KCNH8: variants seen among roughly 807,000 people sequenced by gnomAD.
KCNH8 encodes voltage-gated delayed rectifier potassium channel KCNH8.
A neutral mutation model predicts 103.6 loss-of-function variants in KCNH8; 70 were observed. That is an observed-to-expected ratio of 0.68 (90% CI 0.56 to 0.82). KCNH8 has a LOEUF of 0.82. Among genes scored for constraint, KCNH8 ranks in the 40% least tolerant of loss-of-function variants. The probability of loss-of-function intolerance (pLI) is 0.00; values close to 1 mark genes in which losing one functional copy is unlikely to be tolerated. For synonymous variants in KCNH8, 498 were observed against 489.4 expected (o/e 1.02, Z -0.23); for missense variants, 1,217 against 1,329.9 (o/e 0.92, Z 1.32).
intron 5 of KCNH8, among the ~76,000 whole-genome samples, chr3:19,354,316 T>A (rs1293101253): frequency 6.6e-6 from 1 of 152,144 alleles, no homozygotes; most frequent in Non-Finnish European, 1.5e-5. Context: ...CAAGGTAATT[T>A]ATAGACTCAA....
intron 2 of KCNH8, among the ~76,000 whole-genome samples, chr3:19,271,384 A>C (rs1302215968): frequency 6.6e-6 from 1 of 152,190 alleles, no homozygotes; most frequent in Non-Finnish European, 1.5e-5. Flanking sequence ...TTAGATGTTC[A>C]AAGAAACACT....
chr3:19,491,416 A>C (rs1047210774), intron 11 of KCNH8, among the ~76,000 whole-genome samples: 3 of 152,204 alleles, frequency 2.0e-5, no homozygotes, highest in African/African-American at 7.2e-5. Context: ...TTTGTAAATG[A>C]GAACATGTGG....
intron 11 of KCNH8, among the ~76,000 whole-genome samples, chr3:19,485,065 C>T (rs1469908783): frequency 1.3e-5 from 2 of 152,092 alleles, no homozygotes; most frequent in African/African-American, 2.4e-5. Context: ...TCCACCTTTC[C>T]GGAACTCTGA....
At chr3:19,509,323 C>T (rs1221455901) in intron 11 of KCNH8, among the ~76,000 whole-genome samples, 1 of 152,062 alleles carries the variant, frequency 6.6e-6, no homozygotes, top group East Asian at 1.9e-4. Context: ...GAAAGGGTGA[C>T]AGAATTACCA....
intron 7 of KCNH8, among the ~76,000 whole-genome samples, chr3:19,416,826 T>C (rs1173781400): frequency 6.6e-6 from 1 of 152,202 alleles, no homozygotes; most frequent in Non-Finnish European, 1.5e-5. Context: ...TAAATTTGCT[T>C]AAAAGAGACT....
At chr3:19,171,655 G>A (rs1363906371) in intron 1 of KCNH8, among the ~76,000 whole-genome samples, 1 of 152,136 alleles carries the variant, frequency 6.6e-6, no homozygotes, top group Non-Finnish European at 1.5e-5. Context: ...ATGATCTCAT[G>A]TATACTTTTA....
rs543466263 is a variant in KCNH8 at position 19,156,629 on chromosome 3, T to A, written c.76+7834T>A. On this transcript the variant is annotated intron_variant, in intron 1 of 15. Transcript: ENST00000328405. ...AAGAAAATCTAGTGTCCATTTTTTTTAAAAAGGAAATCCATTTTCTTTGAG... is the reference window on the plus strand; with the variant it reads ...AAGAAAATCTAGTGTCCATTTTTTTAAAAAAGGAAATCCATTTTCTTTGAG... Among the ~76,000 whole-genome samples the A allele has an allele frequency of 9.2e-5, 14 of 152,242 alleles. No homozygotes were observed. The East Asian group carries it at 1.4e-3, about 15-fold the overall frequency.
intron 5 of KCNH8, among the ~76,000 whole-genome samples, chr3:19,350,283 T>C (rs1042905860): frequency 6.6e-6 from 1 of 152,142 alleles, no homozygotes; most frequent in Non-Finnish European, 1.5e-5. Context: ...TGTAATATTG[T>C]ATCTTTACAA....
chr3:19,354,399 CCAAAAAAGAGCCCG>C (rs2065848890), intron 5 of KCNH8, among the ~76,000 whole-genome samples: 3 of 152,048 alleles, frequency 2.0e-5, no homozygotes, highest in African/African-American at 7.2e-5. Flanking sequence ...TCATATGGAA[CCAAAAAAGAGCCCG>C]CATTGCCAAG....
intron 11 of KCNH8, among the ~76,000 whole-genome samples, chr3:19,498,371 A>ATGTT (rs375876756): frequency 3.3e-5 from 5 of 151,824 alleles, no homozygotes; most frequent in East Asian, 1.9e-4. Flanking sequence ...AGTGGCTGGT[A>ATGTT]TGTTTGTTTG....
chr3:19,413,679 C>A (rs1253755947), intron 7 of KCNH8, among the ~76,000 whole-genome samples: 1 of 152,030 alleles, frequency 6.6e-6, no homozygotes, highest in East Asian at 1.9e-4. Context: ...CCTGCTGACA[C>A]TTTGATCTCG....
At chr3:19,424,136 G>C (rs2066991355) in intron 7 of KCNH8, among the ~76,000 whole-genome samples, 1 of 151,982 alleles carries the variant, frequency 6.6e-6, no homozygotes, top group Non-Finnish European at 1.5e-5. Flanking sequence ...GAACCAAAAA[G>C]TTTCCATAGC....
chr3:19,474,304 G>A (rs1009076648), intron 11 of KCNH8, among the ~76,000 whole-genome samples: 7 of 152,092 alleles, frequency 4.6e-5, no homozygotes, highest in African/African-American at 1.7e-4. Context: ...ACATATGGTG[G>A]AGGCAGTCTG....
chr3:19,489,675 T>A (rs549046456), intron 11 of KCNH8, among the ~76,000 whole-genome samples: 1 of 152,234 alleles, frequency 6.6e-6, no homozygotes, highest in South Asian at 2.1e-4. Flanking sequence ...GCTCACTTTG[T>A]GCCTCACCCA....
At chr3:19,526,735 T>C (rs1309516844) in intron 15 of KCNH8, among the ~76,000 whole-genome samples, 1 of 152,120 alleles carries the variant, frequency 6.6e-6, no homozygotes, top group East Asian at 1.9e-4. Context: ...GGATATTATA[T>C]GAAACATTCT....
chr3:19,346,184 T>TC (rs2065725920), intron 4 of KCNH8, among the ~76,000 whole-genome samples: 1 of 152,070 alleles, frequency 6.6e-6, no homozygotes, highest in Non-Finnish European at 1.5e-5. Context: ...CTTGAAGTGT[T>TC]TATCAGTGGT....
chr3:19,250,080 C>G (rs1486016289), intron 1 of KCNH8, among the ~76,000 whole-genome samples: 1 of 151,950 alleles, frequency 6.6e-6, no homozygotes, highest in African/African-American at 2.4e-5. Flanking sequence ...CAAAAATTAG[C>G]CAGGTGTGAA....
intron 1 of KCNH8, among the ~76,000 whole-genome samples, chr3:19,202,586 GTTA>G (rs1243374292): frequency 6.6e-6 from 1 of 152,134 alleles, no homozygotes; most frequent in Non-Finnish European, 1.5e-5. Context: ...AATGATTGCA[GTTA>G]GGAAGAAATA....
intron 8 of KCNH8, chr3:19,448,872 C>CTT (rs2067401297): frequency 1.6e-6 from 1 of 621,694 alleles, no homozygotes; most frequent in South Asian, 1.6e-5. Context: ...CTGAATATTA[C>CTT]TTAGAGTTGA....
Sources: allele counts gnomAD v4.1 joint callset (sites outside exome capture counted in the v4.1 genomes callset), GRCh38; gene constraint gnomAD v4.1.1; transcripts MANE v1.5; gene names NCBI Gene and HGNC (gene_info 2026-07-23, HGNC 2026-07-21).